VPS13B: variants seen among roughly 807,000 people sequenced by gnomAD.
VPS13B encodes intermembrane lipid transfer protein VPS13B.
VPS13B carries 285 observed loss-of-function variants against 426.4 expected under a neutral mutation model. The ratio of observed to expected loss-of-function variants is 0.67; its 90% CI spans 0.61 to 0.74. The LOEUF (loss-of-function observed/expected upper bound fraction) is 0.74. Ranked by LOEUF, VPS13B falls within the 30% of genes least tolerant of loss-of-function variation. The pLI is 0.00. For missense variants in VPS13B, 4,537 were observed against 4,782.6 expected (o/e 0.95, Z 1.51); for synonymous variants, 1,676 against 1,676.4 (o/e 1.00, Z 0.01).
At chr8:99,319,163 A>C (rs1228610028) in intron 19 of VPS13B, among the ~76,000 whole-genome samples, 5 of 152,178 alleles carry the variant, frequency 3.3e-5, no homozygotes, top group Non-Finnish European at 2.9e-5. Flanking sequence ...AGACATGATG[A>C]GGTGTTCAGG....
chr8:99,698,402 G>T (rs554237380), intron 35 of VPS13B, among the ~76,000 whole-genome samples: 2 of 152,142 alleles, frequency 1.3e-5, no homozygotes, highest in African/African-American at 4.8e-5. Context: ...TGTCAGCTGC[G>T]CCCACCCTCA....
At chr8:99,161,694 G>T (rs753922954) in intron 15 of VPS13B, among the ~76,000 whole-genome samples, 1 of 151,208 alleles carries the variant, frequency 6.6e-6, no homozygotes, top group African/African-American at 2.4e-5. Flanking sequence ...ATTAATATGC[G>T]TGGGAAAACC....
intron 8 of VPS13B, among the ~76,000 whole-genome samples, chr8:99,122,048 T>C (rs1278427462): frequency 6.7e-6 from 1 of 150,004 alleles, no homozygotes; most frequent in Admixed American, 6.7e-5. Flanking sequence ...TTTTGTAGAG[T>C]TGGGGTTTTG....
At chr8:99,256,431 T>C (rs540871503) in intron 17 of VPS13B, among the ~76,000 whole-genome samples, 2 of 152,344 alleles carry the variant, frequency 1.3e-5, no homozygotes, top group East Asian at 3.9e-4. Context: ...AATTGCTGGA[T>C]CATATGGTAG....
At chr8:99,158,242 C>G (rs1440621802) in intron 15 of VPS13B, among the ~76,000 whole-genome samples, 1 of 152,132 alleles carries the variant, frequency 6.6e-6, no homozygotes, top group Non-Finnish European at 1.5e-5. Context: ...TGCTTCAAAA[C>G]TTCAAAAGGC....
chr8:99,703,150 T>C (rs982554397), intron 36 of VPS13B, among the ~76,000 whole-genome samples: 28 of 152,180 alleles, frequency 1.8e-4, no homozygotes, highest in Non-Finnish European at 3.7e-4. Context: ...TAAAACTAAA[T>C]ATTTATAAAT....
Position 99,823,954 on chromosome 8 carries a change from C to T in VPS13B, c.9306C>T (p.Val3102=), listed in dbSNP as rs1814522514. Reference sequence around the variant, plus strand: ...TATTTTATAAACCACAGCTATCTGTCTGCAATCCCCATTCTGGAAAGGAGG... The same window carrying T: ...TATTTTATAAACCACAGCTATCTGTTTGCAATCCCCATTCTGGAAAGGAGG... The part of the protein sequence containing the change: ...YQIFYKPQLS[V]CNPHSGKEYF... The change falls in exon 51 of 62, where the codon GTC becomes GTT. Residue 3102 remains valine, a synonymous_variant. Transcript: ENST00000357162. 1 of 1,613,008 alleles carries T rather than the reference C, an allele frequency of 6.2e-7. No individual in the cohort carries two copies. Among genetic ancestry groups the T allele is most frequent in the African/African-American group, 1.3e-5 (1 of 75,034 alleles).
chr8:99,177,482 T>A (rs1296977222), intron 16 of VPS13B, among the ~76,000 whole-genome samples: 2 of 152,226 alleles, frequency 1.3e-5, no homozygotes, highest in Non-Finnish European at 2.9e-5. Flanking sequence ...AAATAGTATG[T>A]ATCTTTATAT....
Position 99,590,151 on chromosome 8 carries a change from G to A in VPS13B, c.5220+12518G>A, listed in dbSNP as rs142680947. Reference sequence around the variant, plus strand: ...GAGGTGTTTATAGTATGCTGTCATGGTGGTTTCTATTTCTGTGGGATCAGT... The same window carrying A: ...GAGGTGTTTATAGTATGCTGTCATGATGGTTTCTATTTCTGTGGGATCAGT... On this transcript the variant is annotated intron_variant, in intron 33 of 61. Transcript: ENST00000357162. 6.3e-3 allele frequency among the ~76,000 whole-genome samples: 964 copies of A among 152,234 alleles called. 5 individuals are homozygous for A. The highest frequency in any genetic ancestry group is 0.01 in the Admixed American group (159 of 15,286).
At chr8:99,531,135 C>T (rs1055376296) in intron 30 of VPS13B, among the ~76,000 whole-genome samples, 6 of 152,126 alleles carry the variant, frequency 3.9e-5, no homozygotes, top group Non-Finnish European at 8.8e-5. Flanking sequence ...ATATTATAAC[C>T]TTCAAACCAC....
chr8:99,101,430 C>A (rs1402118597), intron 4 of VPS13B, among the ~76,000 whole-genome samples: 1 of 152,180 alleles, frequency 6.6e-6, no homozygotes, highest in Non-Finnish European at 1.5e-5. Context: ...CCGTGCTTGG[C>A]CCCATTTTTG....
intron 40 of VPS13B, among the ~76,000 whole-genome samples, chr8:99,775,723 C>A (rs998161371): frequency 4.6e-5 from 7 of 152,058 alleles, no homozygotes; most frequent in Non-Finnish European, 7.4e-5. Context: ...CATGTTGAAA[C>A]CCCATCTCTA....
At chr8:99,635,048 A>G (rs1027297347) in intron 33 of VPS13B, among the ~76,000 whole-genome samples, 1 of 151,794 alleles carries the variant, frequency 6.6e-6, no homozygotes, top group Non-Finnish European at 1.5e-5. Flanking sequence ...ACCCCACCCT[A>G]CCTCATCCCA....
At chr8:99,084,038 A>G (rs538498256) in intron 3 of VPS13B, among the ~76,000 whole-genome samples, 6 of 150,054 alleles carry the variant, frequency 4.0e-5, no homozygotes, top group African/African-American at 1.2e-4. Context: ...AATGGTACCA[A>G]CTCCTCCTTG....
intron 35 of VPS13B, among the ~76,000 whole-genome samples, chr8:99,689,340 G>A (rs1831548839): frequency 6.6e-6 from 1 of 152,118 alleles, no homozygotes; most frequent in Admixed American, 6.5e-5. Flanking sequence ...GACAGTCCAG[G>A]AGCTCACAGC....
At chr8:99,037,336 G>A (rs1842790581) in intron 2 of VPS13B, among the ~76,000 whole-genome samples, 1 of 151,246 alleles carries the variant, frequency 6.6e-6, no homozygotes, top group Non-Finnish European at 1.5e-5. Flanking sequence ...ATAATAATAA[G>A]CACCTTTATA....
chr8:99,250,862 T>C (rs186945645), intron 17 of VPS13B, among the ~76,000 whole-genome samples: 2 of 151,724 alleles, frequency 1.3e-5, no homozygotes, highest in East Asian at 1.9e-4. Flanking sequence ...TCAGCACTTT[T>C]AGTTTTTTGC....
intron 30 of VPS13B, among the ~76,000 whole-genome samples, chr8:99,526,170 G>A (rs779239773): frequency 2.1e-4 from 32 of 152,088 alleles, no homozygotes; most frequent in African/African-American, 4.1e-4. Context: ...TTAAATATAC[G>A]TTTGAAAATA....
At chr8:99,070,302 A>G (rs1028999106) in intron 3 of VPS13B, among the ~76,000 whole-genome samples, 1 of 152,240 alleles carries the variant, frequency 6.6e-6, no homozygotes, top group Non-Finnish European at 1.5e-5. Flanking sequence ...TAAAGTACTA[A>G]GAAATTTTCT....
Sources: gnomAD v4.1 joint callset for allele counts (sites outside exome capture counted in the v4.1 genomes callset) on GRCh38, gnomAD v4.1.1 for gene constraint, MANE v1.5 for transcripts, NCBI Gene and HGNC (gene_info 2026-07-23, HGNC 2026-07-21) for gene names.